WIPF1: variants seen among roughly 807,000 people sequenced by gnomAD.
WIPF1 encodes the protein WAS/WASL-interacting protein family member 1.
Under a neutral mutation model 35.4 loss-of-function variants are expected in WIPF1, and 13 were observed. That is an observed-to-expected ratio of 0.37 (90% CI 0.24 to 0.58). The LOEUF is 0.58. WIPF1 is among the 20% of genes least tolerant of loss of function. The pLI, the probability that WIPF1 is intolerant of heterozygous loss-of-function variation, is 0.74. For synonymous variants in WIPF1, 267 were observed against 266.3 expected (o/e 1.00, Z -0.02); for missense variants, 591 against 667.0 (o/e 0.89, Z 1.25).
intron 1 of WIPF1, among the ~76,000 whole-genome samples, chr2:174,668,426 T>G (rs1687939109): frequency 6.6e-6 from 1 of 152,176 alleles, no homozygotes; most frequent in South Asian, 2.1e-4. Flanking sequence ...GGGTGTGCAT[T>G]TTTCAGTTGA....
At chr2:174,658,282 T>C (rs1198303475) in intron 1 of WIPF1, among the ~76,000 whole-genome samples, 1 of 152,222 alleles carries the variant, frequency 6.6e-6, no homozygotes, top group Non-Finnish European at 1.5e-5. Context: ...CTATGCTTTG[T>C]CTGTAGTACA....
At chr2:174,652,729 G>T (rs1198304104) in intron 1 of WIPF1, among the ~76,000 whole-genome samples, 1 of 151,648 alleles carries the variant, frequency 6.6e-6, no homozygotes, top group Non-Finnish European at 1.5e-5. Context: ...GGGTAAGTCA[G>T]TGGAAGTACT....
chr2:174,613,245 G>T (rs1306715711), intron 1 of WIPF1, among the ~76,000 whole-genome samples: 1 of 152,222 alleles, frequency 6.6e-6, no homozygotes, highest in Non-Finnish European at 1.5e-5. Context: ...AAATCAAGGT[G>T]TAATTTAGGC....
chr2:174,682,892 G>GA (rs1231554823), exon 1 of WIPF1: 1 of 152,178 alleles, frequency 6.6e-6, no homozygotes, highest in Non-Finnish European at 1.5e-5. Context: ...TCAGCGCCGG[G>GA]AGGCTGCGAC....
rs779896185 is a variant in WIPF1, at chr2:174,567,203, G to A, written c.1343-20C>T. The A allele has an allele frequency of 2.5e-6, 4 of 1,602,278 alleles. No individual in the cohort carries two copies. The Admixed American group carries it at 6.7e-5, about 27-fold the overall frequency. ...ACTCATCTGGGAAGAGAAACAAGCA[G>A]TATCTTCAGTGACAGACAATGTGCT... is the stretch of plus-strand genomic sequence containing the variant. On this transcript the variant is annotated intron_variant, in intron 6 of 7. Coordinates refer to ENST00000679041, the MANE Select transcript of WIPF1 (RefSeq NM_001375834.1).
chr2:174,572,074 G>A lies in WIPF1; in HGVS notation c.731C>T (p.Ser244Leu). Reference protein sequence around the residue: ...SIRQSPLSSSSPFSNRPPLPP... With the variant: ...SIRQSPLSSSLPFSNRPPLPP... ...CAGGGGAGGCCGGTTGGAGAAGGGC[G>A]AGGAGGAGCTCAAGGGGGACTGACG... is the stretch of plus-strand genomic sequence containing the variant. The change falls in exon 5 of 8, where the codon TCG becomes TTG. Residue 244 changes from serine (S) to leucine (L), a missense_variant. Around this residue, in one of 3 missense-constraint regions of WIPF1, gnomAD observed 471 missense variants for 501.1 expected, o/e 0.94. Coordinates refer to ENST00000679041, the MANE Select transcript of WIPF1 (RefSeq NM_001375834.1). 1.3e-6 allele frequency: 2 copies of A among 1,566,532 alleles called. No individual in the cohort carries two copies. Among genetic ancestry groups the A allele is most frequent in the East Asian group, 2.2e-5 (1 of 44,606 alleles).
intron 1 of WIPF1, among the ~76,000 whole-genome samples, chr2:174,595,110 ATATATATAT>A (rs1361214155): frequency 2.5e-3 from 77 of 30,744 alleles, no homozygotes; most frequent in African/African-American, 7.5e-3. Flanking sequence ...AAAAAAAAAA[ATATATATAT>A]ATATATATAT....
chr2:174,651,878 T>C (rs1477406335), intron 1 of WIPF1, among the ~76,000 whole-genome samples: 2 of 152,224 alleles, frequency 1.3e-5, no homozygotes, highest in Non-Finnish European at 2.9e-5. Context: ...CTGGGGTCAC[T>C]TGATGAACTG....
chr2:174,676,115 T>C (rs1361592569), intron 1 of WIPF1, among the ~76,000 whole-genome samples: 2 of 147,034 alleles, frequency 1.4e-5, no homozygotes, highest in Non-Finnish European at 3.0e-5. Flanking sequence ...ATGCCTGGCT[T>C]TTTTTTTTTT....
chr2:174,565,335 A>C (rs938858796), intron 7 of WIPF1, among the ~76,000 whole-genome samples: 1 of 152,148 alleles, frequency 6.6e-6, no homozygotes. Context: ...AAGCAGTAGT[A>C]TTCTGTTTTC....
chr2:174,657,138 T>G (rs1687656605), intron 1 of WIPF1, among the ~76,000 whole-genome samples: 1 of 152,238 alleles, frequency 6.6e-6, no homozygotes, highest in Non-Finnish European at 1.5e-5. Context: ...GATGGAATCT[T>G]GGATTGCTAC....
intron 1 of WIPF1, among the ~76,000 whole-genome samples, chr2:174,636,338 T>C (rs190077025): frequency 3.9e-5 from 6 of 152,304 alleles, no homozygotes; most frequent in Admixed American, 6.5e-5. Context: ...TTTCTGTCCA[T>C]GATTTTTTTT....
intron 1 of WIPF1, among the ~76,000 whole-genome samples, chr2:174,629,123 G>A (rs1686935527): frequency 6.6e-6 from 1 of 152,156 alleles, no homozygotes; most frequent in Non-Finnish European, 1.5e-5. Context: ...TGAGGCAGGA[G>A]AATTGCTTGA....
intron 1 of WIPF1, among the ~76,000 whole-genome samples, chr2:174,672,057 T>G (rs183020833): frequency 3.9e-5 from 6 of 152,312 alleles, no homozygotes; most frequent in African/African-American, 1.2e-4. Context: ...TGCCAATATA[T>G]GATGTCTCCC....
chr2:174,604,641 T>G (rs1686103370), intron 1 of WIPF1, among the ~76,000 whole-genome samples: 1 of 152,060 alleles, frequency 6.6e-6, no homozygotes, highest in African/African-American at 2.4e-5. Flanking sequence ...GAAAAGAGTA[T>G]TATGGGGATA....
intron 1 of WIPF1, among the ~76,000 whole-genome samples, chr2:174,668,508 C>T (rs895704162): frequency 3.4e-4 from 51 of 152,170 alleles, no homozygotes; most frequent in Non-Finnish European, 1.3e-4. Context: ...TAGTCAGTGC[C>T]ACCAGTTTTA....
At chr2:174,575,736 G>A (rs190683001) in intron 3 of WIPF1, among the ~76,000 whole-genome samples, 4 of 152,184 alleles carry the variant, frequency 2.6e-5, no homozygotes, top group Admixed American at 6.5e-5. Flanking sequence ...CAGCACTTTG[G>A]GAGGCTGAGG....
At chr2:174,631,336 A>G (rs1455747548) in intron 1 of WIPF1, among the ~76,000 whole-genome samples, 3 of 152,184 alleles carry the variant, frequency 2.0e-5, no homozygotes, top group Admixed American at 6.5e-5. Context: ...CCTTAAGGAC[A>G]TTACGCTAAG....
At chr2:174,568,627 A>G (rs1684740805) in intron 5 of WIPF1, 1 of 152,524 alleles carries the variant, frequency 6.6e-6, no homozygotes, top group Non-Finnish European at 1.5e-5. Context: ...GAGAGCAGTA[A>G]GAGTTTCTTC....
Sources: allele counts gnomAD v4.1 joint callset (sites outside exome capture counted in the v4.1 genomes callset), GRCh38; gene constraint gnomAD v4.1.1; regional missense constraint gnomAD v4.1.1; transcripts MANE v1.5; gene names NCBI Gene and HGNC (gene_info 2026-07-23, HGNC 2026-07-21).